Variants in PFN4 observed in about 807,000 individuals in gnomAD.
PFN4 encodes the protein profilin family member 4.
Under a neutral mutation model 16.3 loss-of-function variants are expected in PFN4, and 10 were observed. The ratio of observed to expected loss-of-function variants is 0.61; its 90% CI spans 0.38 to 1.04. The LOEUF is 1.04. Ranked by LOEUF, PFN4 falls within the 50% of genes least tolerant of loss-of-function variation. The pLI, the probability that PFN4 is intolerant of heterozygous loss-of-function variation, is 0.01. For missense variants in PFN4, 136 were observed against 153.6 expected, an observed-to-expected ratio of 0.89 and a Z score of 0.61; for synonymous variants, 54 against 56.9, an observed-to-expected ratio of 0.95 and a Z score of 0.23.
chr2:24,117,313 C>T (rs1665952276), intron 4 of PFN4, among the ~76,000 whole-genome samples: 1 of 151,816 alleles, frequency 6.6e-6, no homozygotes, highest in Non-Finnish European at 1.5e-5. Flanking sequence ...ACTGCACAAA[C>T]CTGATTAATT....
chr2:24,120,459 A>C (rs1290425774), intron 3 of PFN4, among the ~76,000 whole-genome samples: 1 of 152,226 alleles, frequency 6.6e-6, no homozygotes, highest in Non-Finnish European at 1.5e-5. Context: ...TTAGTTTATA[A>C]TGTGGATGAA....
chr2:24,119,531 C>T, intron 4 of PFN4, 46 bp downstream of exon 4: 1 of 1,415,208 alleles, frequency 7.1e-7, no homozygotes, highest in Non-Finnish European at 9.9e-7. Flanking sequence ...GTCGGAAGAC[C>T]CAACTAACAT....
rs968493098 is a variant in PFN4 at position 24,119,083 on chromosome 2, C to T, written c.361+494G>A. Among the ~76,000 whole-genome samples the T allele has an allele frequency of 3.9e-5, 6 of 152,146 alleles. No homozygotes were observed. The South Asian group carries it at 1.2e-3, about 32-fold the overall frequency. ...CAGTATATACCAACAAAGTGGCTGC[C>T]TGACTCACAGTAATTCCTTTTCCTG... On this transcript the variant is annotated intron_variant, in intron 4 of 4. Coordinates refer to ENST00000313213, the MANE Select transcript of PFN4 (RefSeq NM_199346.3).
intron 2 of PFN4, among the ~76,000 whole-genome samples, chr2:24,121,758 C>G (rs13024132): frequency 0.12 from 17,921 of 152,048 alleles, 1,254 homozygotes; most frequent in South Asian, 0.18. Context: ...AGAGCTGGCT[C>G]TTAGAAAGAG....
At chr2:24,121,362 T>C in intron 2 of PFN4, 62 bp from the exon 3 acceptor site, 1 of 1,529,570 alleles carries the variant, frequency 6.5e-7, no homozygotes, top group Non-Finnish European at 8.9e-7. Context: ...CAGCCAAATT[T>C]AGCCCACTAC....
Position 24,114,993 on chromosome 2 carries a change from T to C in PFN4, c.*590A>G, listed in dbSNP as rs890157428. On this transcript the variant is annotated 3_prime_UTR_variant, in exon 5 of 5. Transcript: ENST00000313213. ...TGCAAATGGGAGTGTGAAATGTCCA[T>C]TGAATACCTTGACTAGTGGTCCATT... 4.6e-5 allele frequency among the ~76,000 whole-genome samples: 7 copies of C among 152,186 alleles called. No individual in the cohort carries two copies. Among genetic ancestry groups the C allele is most frequent in the East Asian group, 1.9e-4 (1 of 5,200 alleles).
In PFN4 at chr2:24,115,727, A is replaced by G. The variant is rs1665893772; in HGVS notation, c.362-116T>C. 2.6e-6 allele frequency: 3 copies of G among 1,140,996 alleles called. No individual in the cohort carries two copies. In the South Asian group the frequency reaches 3.8e-5, roughly 15 times the overall value. The allele number at this position is 1,140,996 out of a possible 1,614,324, so 70.7% of individuals were successfully genotyped here. On this transcript the variant is annotated intron_variant, in intron 4 of 4. Coordinates refer to ENST00000313213, the MANE Select transcript of PFN4 (RefSeq NM_199346.3). The stretch of plus-strand genomic sequence containing the variant: ...GCCAGGTGACTGCCATGTGCTAGGC[A>G]CTGTGCTAGGTACTGGAGAAACAAG...
At chr2:24,115,699 A>C in intron 4 of PFN4, 88 bp from the exon 5 acceptor site, 1 of 1,437,422 alleles carries the variant, frequency 7.0e-7, no homozygotes, top group Non-Finnish European at 9.7e-7. Context: ...TTCCACAAAC[A>C]TTGCCAGGTG....
At chr2:24,121,806 C>T (rs1257108434) in intron 2 of PFN4, among the ~76,000 whole-genome samples, 2 of 152,138 alleles carry the variant, frequency 1.3e-5, no homozygotes, top group African/African-American at 2.4e-5. Flanking sequence ...TGCTTCCTCT[C>T]CCCCACTGTG....
At chr2:24,119,753 AC>A in intron 3 of PFN4, 71 bp from the exon 4 acceptor site, 1 of 1,106,966 alleles carries the variant, frequency 9.0e-7, no homozygotes. Flanking sequence ...TGCTCCAGCT[AC>A]GTTTTTCACC....
At chr2:24,118,334 G>A (rs1001439737) in intron 4 of PFN4, among the ~76,000 whole-genome samples, 8 of 152,186 alleles carry the variant, frequency 5.3e-5, no homozygotes, top group Admixed American at 5.2e-4. Context: ...AGGCATATCT[G>A]TACATAGGTA....
intron 4 of PFN4, among the ~76,000 whole-genome samples, chr2:24,119,221 G>A (rs1264491274): frequency 6.6e-6 from 1 of 152,018 alleles, no homozygotes; most frequent in Non-Finnish European, 1.5e-5. Context: ...CTGATACAGG[G>A]GTAAACCATA....
chr2:24,121,739 T>G (rs943059667), intron 2 of PFN4, among the ~76,000 whole-genome samples: 7 of 152,160 alleles, frequency 4.6e-5, no homozygotes, highest in African/African-American at 1.7e-4. Flanking sequence ...TCACTGTATT[T>G]GTTCCAGGAG....
rs1666027760 is a variant in PFN4 at position 24,119,499 on chromosome 2, A to G, written c.361+78T>C. The G allele has an allele frequency of 6.8e-6, 7 of 1,025,918 alleles. No homozygotes were observed. In the East Asian group the frequency reaches 1.7e-4, roughly 25 times the overall value. 63.6% of individuals were successfully genotyped at this position (1,025,918 alleles called of 1,614,324 possible). ...CCTCCTTTCTGCCCTAGCTGGTTTG[A>G]GTTGGATCTCTGTTACTCGTAGTCG... On this transcript the variant is annotated intron_variant, in intron 4 of 4. Transcript: ENST00000313213.
At chr2:24,120,496 G>C (rs1460446042) in intron 3 of PFN4, among the ~76,000 whole-genome samples, 2 of 152,094 alleles carry the variant, frequency 1.3e-5, no homozygotes, top group East Asian at 1.9e-4. Flanking sequence ...ATAATATAGG[G>C]CATCCAATGA....
Position 24,122,280 on chromosome 2 carries a change from C to A in PFN4, c.117+139G>T, listed in dbSNP as rs144314093. 2.6e-4 allele frequency: 174 copies of A among 662,482 alleles called. No individual in the cohort carries two copies. In the African/African-American group the frequency reaches 2.7e-3, roughly 10 times the overall value. The allele number at this position is 662,482 out of a possible 1,614,324, so 41.0% of individuals were successfully genotyped here. Reference sequence around the variant, plus strand: ...GGCGGAGGTTGCAGTGAGCTGAGATCATGCCATTGCATCCCAGGCTAAGCA... The same window carrying A: ...GGCGGAGGTTGCAGTGAGCTGAGATAATGCCATTGCATCCCAGGCTAAGCA... On this transcript the variant is annotated intron_variant, in intron 2 of 4. Transcript: ENST00000313213.
At chr2:24,122,989 C>T (rs1252573310) in intron 1 of PFN4, 129 bp downstream of exon 1, 1 of 152,904 alleles carries the variant, frequency 6.5e-6, no homozygotes, top group East Asian at 1.9e-4. Flanking sequence ...ACATTCCCTT[C>T]CCGGTGACCT....
At chr2:24,122,673 G>T (rs989335628) in intron 1 of PFN4, 126 bp from the exon 2 acceptor site, 3 of 615,986 alleles carry the variant, frequency 4.9e-6, no homozygotes, top group Non-Finnish European at 8.6e-6. Context: ...AAAGGTACAG[G>T]GTGAAAACGG....
intron 4 of PFN4, among the ~76,000 whole-genome samples, chr2:24,116,127 G>C (rs1665909491): frequency 6.6e-6 from 1 of 152,024 alleles, no homozygotes; most frequent in Admixed American, 6.6e-5. Flanking sequence ...AGGAGATCGA[G>C]ACCATCCTGG....
Sources: gnomAD v4.1 joint callset for allele counts (sites outside exome capture counted in the v4.1 genomes callset) on GRCh38, gnomAD v4.1.1 for gene constraint, MANE v1.5 for transcripts, NCBI Gene and HGNC (gene_info 2026-07-23, HGNC 2026-07-21) for gene names.